The following BTBD7 variants were observed in gnomAD, a reference collection of about 807,000 sequenced individuals.
BTBD7 encodes BTB domain containing 7.
A neutral mutation model predicts 99.9 loss-of-function variants in BTBD7; 38 were observed. The ratio of observed to expected loss-of-function variants is 0.38; its 90% confidence interval spans 0.29 to 0.50. The LOEUF (loss-of-function observed/expected upper bound fraction) is 0.50. Among genes scored for constraint, BTBD7 ranks in the 20% least tolerant of loss-of-function variants. BTBD7 has a pLI of 0.93. For missense variants in BTBD7, 1,170 were observed against 1,394.6 expected, an observed-to-expected ratio of 0.84 and a Z score of 2.57; for synonymous variants, 520 against 511.4, an observed-to-expected ratio of 1.02 and a Z score of -0.23.
At chr14:93,264,417 CT>C (rs1355935648) in intron 3 of BTBD7, among the ~76,000 whole-genome samples, 6 of 152,186 alleles carry the variant, frequency 3.9e-5, no homozygotes, top group African/African-American at 1.4e-4. Flanking sequence ...GGTAGGTGGG[CT>C]GCCAGCTATG....
chr14:93,308,281 G>A (rs1413073356), intron 1 of BTBD7, among the ~76,000 whole-genome samples: 2 of 140,146 alleles, frequency 1.4e-5, no homozygotes, highest in Non-Finnish European at 3.1e-5. Flanking sequence ...AGCCAGACTC[G>A]GTCTCCAAAA....
intron 3 of BTBD7, among the ~76,000 whole-genome samples, chr14:93,266,950 C>A (rs2052549261): frequency 6.6e-6 from 1 of 152,140 alleles, no homozygotes; most frequent in Non-Finnish European, 1.5e-5. Context: ...AGCCTTTGAG[C>A]CTTGAATACC....
At chr14:93,246,954 G>A (rs1203478550) in intron 9 of BTBD7, among the ~76,000 whole-genome samples, 1 of 152,120 alleles carries the variant, frequency 6.6e-6, no homozygotes, top group Non-Finnish European at 1.5e-5. Flanking sequence ...ACAGCAGGGG[G>A]AAAAAGAAGA....
chr14:93,271,522 T>G (rs2052600871), intron 3 of BTBD7, among the ~76,000 whole-genome samples: 1 of 152,132 alleles, frequency 6.6e-6, no homozygotes, highest in South Asian at 2.1e-4. Flanking sequence ...AGAATTGAAG[T>G]ACAAACAGGC....
At position 93,242,496 on chromosome 14, in the gene BTBD7, G is replaced by A; in HGVS notation, c.3176C>T (p.Ala1059Val). 1.2e-6 allele frequency: 2 copies of A among 1,614,218 alleles called. No individual in the cohort carries two copies. Among genetic ancestry groups the A allele is most frequent in the Non-Finnish European group, 1.7e-6 (2 of 1,180,046 alleles). ...TGPAHVRGRT[A>V]VETDLTFGLT... ...CCCAAAAGTCAAGTCAGTTTCTACT[G>A]CAGTTCGTCCCCTGACATGGGCTGG... The change falls in exon 11 of 11, where the codon GCA becomes GTA. Residue 1059 changes from alanine to valine, a missense_variant. Physicochemically the swap from Ala to Val is moderately conservative, Grantham distance 64. Coordinates refer to ENST00000334746, the MANE Select transcript of BTBD7 (RefSeq NM_001002860.4).
In BTBD7 at chr14:93,257,233, G is replaced by A. The variant is rs776994130; in HGVS notation, c.1570C>T (p.His524Tyr). ...ACTTCACTGTTTATAGGTAAGATGTGTTCAATTCGCACAAAAGGTAAGAGA... is the reference window on the plus strand; with the variant it reads ...ACTTCACTGTTTATAGGTAAGATGTATTCAATTCGCACAAAAGGTAAGAGA... ...SSLLPFVRIE[H>Y]ILPINSEVLS... Residue 524 changes from histidine (H) to tyrosine (Y), a missense_variant, in exon 6 of 11, where the codon CAC becomes TAC. By Grantham distance (83) the His-to-Tyr change is moderately conservative (BLOSUM62 2). Coordinates refer to ENST00000334746, the MANE Select transcript of BTBD7 (RefSeq NM_001002860.4). The A allele has an allele frequency of 1.9e-6, 3 of 1,614,140 alleles. No homozygotes were observed. In the East Asian group the frequency reaches 6.7e-5, roughly 36 times the overall value.
chr14:93,278,901 C>T (rs1178718504), intron 3 of BTBD7, among the ~76,000 whole-genome samples: 1 of 152,106 alleles, frequency 6.6e-6, no homozygotes, highest in Non-Finnish European at 1.5e-5. Context: ...AAAAACCTAC[C>T]ACAGAGGACA....
chr14:93,292,894 A>G (rs2052875679), intron 3 of BTBD7, among the ~76,000 whole-genome samples: 1 of 152,120 alleles, frequency 6.6e-6, no homozygotes, highest in South Asian at 2.1e-4. Context: ...TAACCATATA[A>G]TACATATTAT....
chr14:93,270,113 T>G (rs1029451944), intron 3 of BTBD7, among the ~76,000 whole-genome samples: 2 of 152,214 alleles, frequency 1.3e-5, no homozygotes, highest in East Asian at 3.9e-4. Context: ...TTTATTTTTT[T>G]GAGATGGAGT....
chr14:93,283,677 G>A (rs148023808), intron 3 of BTBD7, among the ~76,000 whole-genome samples: 8 of 152,152 alleles, frequency 5.3e-5, no homozygotes, highest in African/African-American at 1.9e-4. Context: ...TCAGCCACCA[G>A]AGTAGCTGGG....
At chr14:93,250,547 C>T (rs1040717586) in intron 8 of BTBD7, among the ~76,000 whole-genome samples, 1 of 152,170 alleles carries the variant, frequency 6.6e-6, no homozygotes, top group African/African-American at 2.4e-5. Context: ...TTTTATTCAT[C>T]TTTAATTACA....
chr14:93,250,240 C>T (rs766094825), intron 8 of BTBD7, among the ~76,000 whole-genome samples: 7 of 152,130 alleles, frequency 4.6e-5, no homozygotes, highest in Non-Finnish European at 1.0e-4. Context: ...AATAGAGAGA[C>T]AAGCCTTATT....
At chr14:93,306,912 T>C (rs2053077145) in intron 1 of BTBD7, among the ~76,000 whole-genome samples, 1 of 152,226 alleles carries the variant, frequency 6.6e-6, no homozygotes. Context: ...TTATCAGTTG[T>C]CTCATTCTGT....
chr14:93,299,113 TGG>T (rs1419647246), intron 1 of BTBD7, among the ~76,000 whole-genome samples: 1 of 151,792 alleles, frequency 6.6e-6, no homozygotes, highest in Non-Finnish European at 1.5e-5. Flanking sequence ...GGAAGGGAGG[TGG>T]GGGAGGCAGA....
intron 3 of BTBD7, among the ~76,000 whole-genome samples, chr14:93,279,614 CCCAG>C (rs906443078): frequency 4.3e-4 from 65 of 152,238 alleles, no homozygotes; most frequent in African/African-American, 1.5e-3. Flanking sequence ...GTGGCGTGAT[CCCAG>C]CTCACTGCAA....
intron 8 of BTBD7, among the ~76,000 whole-genome samples, chr14:93,249,924 G>C (rs532436588): frequency 1.3e-5 from 2 of 152,268 alleles, no homozygotes; most frequent in South Asian, 4.1e-4. Flanking sequence ...AGGGATAAAA[G>C]GAACTGGCAT....
At chr14:93,317,469 A>T (rs1316870485) in intron 1 of BTBD7, among the ~76,000 whole-genome samples, 1 of 152,096 alleles carries the variant, frequency 6.6e-6, no homozygotes, top group Non-Finnish European at 1.5e-5. Flanking sequence ...CAGCCTCCCA[A>T]GTAGCTGAGA....
chr14:93,297,140 C>T (rs560027538), intron 1 of BTBD7, among the ~76,000 whole-genome samples: 1 of 152,226 alleles, frequency 6.6e-6, no homozygotes, highest in Admixed American at 6.5e-5. Flanking sequence ...AGTGTTTTAA[C>T]AAATATAGTG....
intron 3 of BTBD7, among the ~76,000 whole-genome samples, chr14:93,291,758 A>G (rs2052858660): frequency 6.7e-6 from 1 of 149,018 alleles, no homozygotes; most frequent in South Asian, 2.1e-4. Flanking sequence ...CTTTAAATAC[A>G]CTGAATAAAA....
Sources: gnomAD v4.1 joint callset for allele counts (sites outside exome capture counted in the v4.1 genomes callset) on GRCh38, gnomAD v4.1.1 for gene constraint, MANE v1.5 for transcripts, NCBI Gene and HGNC (gene_info 2026-07-23, HGNC 2026-07-21) for gene names.